SHTN1: variants seen among roughly 807,000 people sequenced by gnomAD.
SHTN1 encodes shootin 1.
SHTN1 carries 42 observed loss-of-function variants against 83.1 expected under a neutral mutation model. The observed-to-expected ratio is 0.51, with a 90% CI of 0.39 to 0.65. The LOEUF (loss-of-function observed/expected upper bound fraction) is 0.65, where lower values mean the gene tolerates loss of function less well. Among genes scored for constraint, SHTN1 ranks in the 30% least tolerant of loss-of-function variants. SHTN1 has a pLI of 0.00. For missense variants in SHTN1, 622 were observed against 737.8 expected (o/e 0.84, Z 1.82); for synonymous variants, 224 against 247.7 (o/e 0.90, Z 0.90).
At chr10:117,054,389 T>G (rs932343181) in intron 1 of SHTN1, among the ~76,000 whole-genome samples, 3 of 151,768 alleles carry the variant, frequency 2.0e-5, no homozygotes, top group Non-Finnish European at 4.4e-5. Context: ...GTGCTGACTC[T>G]GACATAGCAT....
intron 1 of SHTN1, among the ~76,000 whole-genome samples, chr10:117,107,416 A>T (rs1029433827): frequency 1.3e-5 from 2 of 151,382 alleles, no homozygotes; most frequent in African/African-American, 4.8e-5. Flanking sequence ...TCACTCACAT[A>T]CTCCGTTCCG....
intron 1 of SHTN1, among the ~76,000 whole-genome samples, chr10:117,115,013 A>C (rs1853825328): frequency 6.6e-6 from 1 of 152,240 alleles, no homozygotes; most frequent in South Asian, 2.1e-4. Flanking sequence ...ATTTGAAATG[A>C]AGACGGTGAG....
intron 1 of SHTN1, among the ~76,000 whole-genome samples, chr10:117,114,928 G>T (rs992867835): frequency 6.6e-6 from 1 of 152,146 alleles, no homozygotes; most frequent in Non-Finnish European, 1.5e-5. Context: ...CAGGAGGACC[G>T]GGTTCTAGCA....
chr10:117,043,166 C>T (rs1852610649), intron 2 of SHTN1, among the ~76,000 whole-genome samples: 1 of 151,480 alleles, frequency 6.6e-6, no homozygotes, highest in African/African-American at 2.4e-5. Flanking sequence ...TGGAGTCTCG[C>T]TCTGTCGCCC....
At chr10:116,901,687 A>G (rs950677133) in intron 16 of SHTN1, 78 bp downstream of exon 16, 1 of 1,404,540 alleles carries the variant, frequency 7.1e-7, no homozygotes, top group Non-Finnish European at 9.3e-7. Context: ...TCTCTAAAGG[A>G]AACAAATCAA....
At chr10:117,051,383 G>T (rs553233441) in intron 1 of SHTN1, among the ~76,000 whole-genome samples, 9 of 152,236 alleles carry the variant, frequency 5.9e-5, no homozygotes, top group African/African-American at 2.2e-4. Flanking sequence ...CAAAAAAATA[G>T]AAGAGGAGGA....
chr10:117,059,984 G>A (rs909896791), intron 1 of SHTN1, among the ~76,000 whole-genome samples: 2 of 152,158 alleles, frequency 1.3e-5, no homozygotes, highest in Non-Finnish European at 2.9e-5. Flanking sequence ...GCCAACGTGG[G>A]AGGATCTCTT....
chr10:117,003,123 G>A (rs565501092), intron 1 of SHTN1, among the ~76,000 whole-genome samples: 15 of 151,934 alleles, frequency 9.9e-5, no homozygotes, highest in East Asian at 3.9e-4. Flanking sequence ...ATCATTATTC[G>A]AAAACTGACC....
At chr10:117,065,800 G>A (rs1218581975) in intron 1 of SHTN1, among the ~76,000 whole-genome samples, 2 of 37,076 alleles carry the variant, frequency 5.4e-5, no homozygotes, top group East Asian at 2.7e-3. Flanking sequence ...AAGGAAGGAA[G>A]GAAGGAAGGA....
intron 1 of SHTN1, among the ~76,000 whole-genome samples, chr10:116,990,029 T>C (rs1851362785): frequency 6.6e-6 from 1 of 152,178 alleles, no homozygotes; most frequent in Non-Finnish European, 1.5e-5. Flanking sequence ...TAGGAAAAGA[T>C]AATTCTTACA....
chr10:117,024,341 A>C (rs1375102123), intron 2 of SHTN1, among the ~76,000 whole-genome samples: 2 of 149,136 alleles, frequency 1.3e-5, no homozygotes, highest in African/African-American at 4.9e-5. Flanking sequence ...CACTTGTCAA[A>C]ACTTTTCTTT....
intron 1 of SHTN1, among the ~76,000 whole-genome samples, chr10:116,998,623 G>A (rs958059994): frequency 4.6e-5 from 7 of 152,190 alleles, no homozygotes; most frequent in Non-Finnish European, 8.8e-5. Flanking sequence ...TACTGCAGGT[G>A]TTGAAACATA....
chr10:116,924,446 CA>C (rs11361334), intron 11 of SHTN1, among the ~76,000 whole-genome samples: 9,049 of 152,188 alleles, frequency 0.059, 868 homozygotes, highest in African/African-American at 0.2. Context: ...TGTTTATTAG[CA>C]TAAACCACCT....
intron 7 of SHTN1, 149 bp from the exon 8 acceptor site, chr10:116,945,167 TTTTTGGAGAGCAACTTGGCAACG>T: frequency 3.3e-6 from 2 of 597,204 alleles, no homozygotes; most frequent in Non-Finnish European, 5.9e-6. Context: ...TGATAAAACC[TTTTTGGAGAGCAACTTGGCAACG>T]TGAATCAAAA....
intron 4 of SHTN1, among the ~76,000 whole-genome samples, chr10:116,956,925 G>GT (rs1276023045): frequency 2.0e-5 from 3 of 151,656 alleles, no homozygotes; most frequent in East Asian, 3.9e-4. Flanking sequence ...TTTTTGTTTT[G>GT]TTTTTTTGGA....
intron 2 of SHTN1, among the ~76,000 whole-genome samples, chr10:117,044,921 T>C (rs1213307703): frequency 2.6e-5 from 4 of 152,226 alleles, no homozygotes; most frequent in Non-Finnish European, 5.9e-5. Context: ...AGCTTAGCTA[T>C]TAAGTTTCTT....
intron 16 of SHTN1, among the ~76,000 whole-genome samples, chr10:116,893,237 GA>G (rs199982355): frequency 1.3e-5 from 2 of 151,662 alleles, no homozygotes. Flanking sequence ...GCGGGGGAAG[GA>G]AAAAAAATGA....
At chr10:117,030,045 C>T (rs537819676) in intron 2 of SHTN1, among the ~76,000 whole-genome samples, 13 of 152,102 alleles carry the variant, frequency 8.5e-5, no homozygotes, top group East Asian at 3.9e-4. Context: ...CATGCCATCA[C>T]GCCCGGCTAA....
intron 1 of SHTN1, among the ~76,000 whole-genome samples, chr10:117,084,742 G>C (rs1225347785): frequency 6.6e-6 from 1 of 152,162 alleles, no homozygotes; most frequent in Non-Finnish European, 1.5e-5. Context: ...CTCGTGGTGC[G>C]CCGTTTTTTA....
Sources: gnomAD v4.1 joint callset for allele counts (sites outside exome capture counted in the v4.1 genomes callset) on GRCh38, gnomAD v4.1.1 for gene constraint, MANE v1.5 for transcripts, NCBI Gene and HGNC (gene_info 2026-07-23, HGNC 2026-07-21) for gene names.